The following MRPS6 variants were observed in gnomAD, a reference collection of about 807,000 sequenced individuals.
MRPS6 encodes the protein mitochondrial ribosomal protein S6.
In MRPS6, 6 loss-of-function variants were observed where a neutral mutation model predicts 13.1. That is an observed-to-expected ratio of 0.46 (90% CI 0.25 to 0.91). The LOEUF is 0.91. Ranked by LOEUF, MRPS6 falls within the 40% of genes least tolerant of loss-of-function variation. The pLI, the probability that MRPS6 is intolerant of heterozygous loss-of-function variation, is 0.18. For synonymous variants in MRPS6, 61 were observed against 56.5 expected (o/e 1.08, Z -0.36); for missense variants, 164 against 155.6 (o/e 1.05, Z -0.29).
chr21:34,108,022 T>C (rs759449621), intron 1 of MRPS6, among the ~76,000 whole-genome samples: 20 of 152,196 alleles, frequency 1.3e-4, no homozygotes, highest in Non-Finnish European at 2.8e-4. Context: ...CAGTGAACAA[T>C]GGACGACGTA....
At position 34,091,141 on chromosome 21, in the gene MRPS6, C is replaced by T. The variant is rs140526092; in HGVS notation, c.45+17396C>T. On this transcript the variant is annotated intron_variant, in intron 1 of 2. Coordinates refer to ENST00000399312, the MANE Select transcript of MRPS6 (RefSeq NM_032476.4). ...CAGGGCTCATCAAGCTTACCATTGA[C>T]AGAGTGCTGGACTAGGCGTCTCAGA... Among the ~76,000 whole-genome samples, 67 of 152,300 alleles carry T rather than the reference C, an allele frequency of 4.4e-4. 2 individuals carry two copies. The East Asian group carries it at 0.01, about 23-fold the overall frequency.
At chr21:34,121,624 G>A (rs1395992604) in intron 1 of MRPS6, among the ~76,000 whole-genome samples, 1 of 152,106 alleles carries the variant, frequency 6.6e-6, no homozygotes. Context: ...GGTGAGAGAA[G>A]CCTCTCAGAA....
chr21:34,101,434 C>T (rs547879263), intron 1 of MRPS6: 4 of 1,000,094 alleles, frequency 4.0e-6, no homozygotes, highest in Middle Eastern at 5.2e-4. Context: ...TAAGATTTTG[C>T]ATTAGCCAGA....
chr21:34,096,714 A>T lies in MRPS6; in HGVS notation c.45+22969A>T, dbSNP rs774586769. 6.2e-7 allele frequency: 1 copy of T among 1,614,120 alleles called. No homozygotes were observed. The highest frequency in any genetic ancestry group is 2.2e-5 in the East Asian group (1 of 44,878). On this transcript the variant is annotated intron_variant, in intron 1 of 2. Coordinates refer to ENST00000399312, the MANE Select transcript of MRPS6 (RefSeq NM_032476.4). This position sits in a 1 kb window ranked among gnomAD's most constrained non-coding sequence, Gnocchi z 5.9. ...CCAACCTGATAATAGGCCGGGCTTC[A>T]TCAAAGACATCCATTATATGTATGT...
intron 2 of MRPS6, among the ~76,000 whole-genome samples, chr21:34,129,604 A>T: frequency 6.6e-6 from 1 of 152,198 alleles, no homozygotes. Flanking sequence ...AAAAATAACC[A>T]GCTCCATGGT....
At chr21:34,097,112 C>T in intron 1 of MRPS6, 16 of 1,613,994 alleles carry the variant, frequency 9.9e-6, no homozygotes, top group Non-Finnish European at 1.3e-5. Flanking sequence ...AAGCAGCTCT[C>T]ATGGGTGAGA....
intron 2 of MRPS6, among the ~76,000 whole-genome samples, chr21:34,138,294 C>T (rs897073200): frequency 6.6e-6 from 1 of 151,748 alleles, no homozygotes; most frequent in South Asian, 2.1e-4. Context: ...GCTTTTGTTG[C>T]CATTGCTTTT....
intron 1 of MRPS6, chr21:34,104,848 T>C: frequency 1.0e-6 from 1 of 999,938 alleles, no homozygotes; most frequent in South Asian, 4.7e-5. Flanking sequence ...AAATTTAAGA[T>C]AGTTTGTAAG....
intron 2 of MRPS6, among the ~76,000 whole-genome samples, chr21:34,130,823 AC>A (rs1164479430): frequency 1.3e-5 from 2 of 152,228 alleles, no homozygotes; most frequent in Non-Finnish European, 2.9e-5. Context: ...GGTCAAAGTT[AC>A]GTGCTTTTCT....
chr21:34,099,710 A>G (rs1979147879), intron 1 of MRPS6: 1 of 998,358 alleles, frequency 1.0e-6, no homozygotes, highest in Non-Finnish European at 1.2e-6. Flanking sequence ...AAGGTACATC[A>G]TCTTGTGTCT....
chr21:34,087,480 A>T (rs1270254466), intron 1 of MRPS6, among the ~76,000 whole-genome samples: 2 of 152,222 alleles, frequency 1.3e-5, no homozygotes. Flanking sequence ...TTCTACCCTC[A>T]TGGAGTTTAC....
chr21:34,132,712 G>T (rs1429229348), intron 2 of MRPS6, among the ~76,000 whole-genome samples: 2 of 152,168 alleles, frequency 1.3e-5, no homozygotes, highest in Non-Finnish European at 2.9e-5. Context: ...GGGCCTATCA[G>T]TTCCCCTCTG....
intron 1 of MRPS6, among the ~76,000 whole-genome samples, chr21:34,112,966 G>C (rs1979763159): frequency 6.6e-6 from 1 of 152,018 alleles, no homozygotes; most frequent in Admixed American, 6.6e-5. Flanking sequence ...AGACCAGGCT[G>C]GCCAACATGG....
chr21:34,077,464 T>C (rs1989360185), intron 1 of MRPS6, among the ~76,000 whole-genome samples: 1 of 152,206 alleles, frequency 6.6e-6, no homozygotes, highest in Admixed American at 6.5e-5. Flanking sequence ...TTTCCTGAAA[T>C]CTTCTCATTG....
intron 1 of MRPS6, among the ~76,000 whole-genome samples, chr21:34,087,753 TG>T (rs1978470712): frequency 6.6e-6 from 1 of 152,222 alleles, no homozygotes; most frequent in Non-Finnish European, 1.5e-5. Context: ...GCTAGTGCCC[TG>T]TAGTGGGCCA....
chr21:34,137,214 A>C (rs1285658973), intron 2 of MRPS6, among the ~76,000 whole-genome samples: 1 of 152,212 alleles, frequency 6.6e-6, no homozygotes, highest in Non-Finnish European at 1.5e-5. Flanking sequence ...ACTGAATGTC[A>C]ATAGATTTTA....
intron 1 of MRPS6, among the ~76,000 whole-genome samples, chr21:34,089,120 T>C (rs1330397707): frequency 2.0e-5 from 3 of 151,368 alleles, no homozygotes; most frequent in African/African-American, 7.3e-5. Flanking sequence ...TCCACCTCTC[T>C]GGGTTCAAGC....
rs756320010 is a variant in MRPS6, at chr21:34,096,724, T to C, written c.45+22979T>C. On this transcript the variant is annotated intron_variant, in intron 1 of 2. Transcript: ENST00000399312. The surrounding 1 kb of genome is among the most constrained non-coding windows in gnomAD (Gnocchi z 5.9). Reference sequence around the variant, plus strand: ...AATAGGCCGGGCTTCATCAAAGACATCCATTATATGTATGTGGCCACAGGA... The same window carrying C: ...AATAGGCCGGGCTTCATCAAAGACACCCATTATATGTATGTGGCCACAGGA... The C allele has an allele frequency of 6.2e-7, 1 of 1,614,058 alleles. No homozygotes were observed. The highest frequency in any genetic ancestry group is 8.5e-7 in the Non-Finnish European group (1 of 1,179,984).
intron 1 of MRPS6, chr21:34,098,194 G>A (rs1979060658): frequency 1.0e-6 from 1 of 999,620 alleles, no homozygotes; most frequent in Non-Finnish European, 1.2e-6. Context: ...CCCCTAAGCA[G>A]TGTTTGATTA....
Sources: allele counts gnomAD v4.1 joint callset (sites outside exome capture counted in the v4.1 genomes callset), GRCh38; gene constraint gnomAD v4.1.1; non-coding constraint Gnocchi (gnomAD v3.1); transcripts MANE v1.5; gene names NCBI Gene and HGNC (gene_info 2026-07-23, HGNC 2026-07-21).